Variants in ITGBL1 observed in about 807,000 individuals in gnomAD.
ITGBL1 encodes integrin subunit beta like 1, also known as integrin beta-like protein 1.
ITGBL1 carries 51 observed loss-of-function variants against 68.5 expected under a neutral mutation model. That is an observed-to-expected ratio of 0.74 (90% confidence interval 0.59 to 0.94). The LOEUF is 0.94. Among genes scored for constraint, ITGBL1 ranks in the 40% least tolerant of loss-of-function variants. The pLI is 0.00. For missense variants in ITGBL1, 649 were observed against 647.4 expected (o/e 1.00, Z -0.03); for synonymous variants, 209 against 227.3 (o/e 0.92, Z 0.72).
At chr13:101,504,210 A>T (rs1255183874) in intron 2 of ITGBL1, among the ~76,000 whole-genome samples, 1 of 152,196 alleles carries the variant, frequency 6.6e-6, no homozygotes, top group Non-Finnish European at 1.5e-5. Flanking sequence ...CTTATTTTTT[A>T]AAAAGTTAAA....
intron 7 of ITGBL1, among the ~76,000 whole-genome samples, chr13:101,603,368 T>G (rs1289045041): frequency 6.6e-6 from 1 of 151,844 alleles, no homozygotes; most frequent in Non-Finnish European, 1.5e-5. Flanking sequence ...AGTAGAAGAG[T>G]GGAGGAGTAG....
intron 2 of ITGBL1, among the ~76,000 whole-genome samples, chr13:101,468,199 G>T (rs776740381): frequency 8.5e-5 from 13 of 152,150 alleles, no homozygotes; most frequent in Non-Finnish European, 1.3e-4. Context: ...AACACCATTA[G>T]TTATATGAGC....
chr13:101,528,999 A>G, intron 2 of ITGBL1, among the ~76,000 whole-genome samples: 1 of 152,066 alleles, frequency 6.6e-6, no homozygotes. Flanking sequence ...ATTATAAAAC[A>G]GAATTAGAAA....
intron 7 of ITGBL1, among the ~76,000 whole-genome samples, chr13:101,623,528 A>T (rs935442134): frequency 6.6e-6 from 1 of 152,200 alleles, no homozygotes; most frequent in Non-Finnish European, 1.5e-5. Flanking sequence ...AGGCTGATAA[A>T]TACAGTTGTT....
intron 2 of ITGBL1, among the ~76,000 whole-genome samples, chr13:101,560,746 C>A: frequency 6.6e-6 from 1 of 152,124 alleles, no homozygotes; most frequent in East Asian, 1.9e-4. Flanking sequence ...ACAAGTAACT[C>A]AAATTATCCT....
chr13:101,706,898 G>A lies in ITGBL1; in HGVS notation c.1275G>A (p.Gly425=). The change falls in exon 9 of 11, where the codon GGG becomes GGA. Residue 425 remains glycine, a synonymous_variant. Coordinates refer to ENST00000376180, the MANE Select transcript of ITGBL1 (RefSeq NM_004791.3). The part of the protein sequence containing the change: ...CESADGILCS[G]KGSCHCGKCI... Reference sequence around the variant, plus strand: ...CAGCAGATGGCATATTGTGCTCGGGGAAGGGTGAGTATCTCTGCTGGTGCC... The same window carrying A: ...CAGCAGATGGCATATTGTGCTCGGGAAAGGGTGAGTATCTCTGCTGGTGCC... 6 of 1,613,840 alleles carry A rather than the reference G, an allele frequency of 3.7e-6. No individual in the cohort carries two copies. Among genetic ancestry groups the A allele is most frequent in the Non-Finnish European group, 5.1e-6 (6 of 1,179,788 alleles).
intron 2 of ITGBL1, among the ~76,000 whole-genome samples, chr13:101,499,399 A>G (rs1594848766): frequency 6.6e-6 from 1 of 152,206 alleles, no homozygotes; most frequent in Non-Finnish European, 1.5e-5. Context: ...TACAAAATAT[A>G]TTGTATCAGC....
downstream of ITGBL1, chr13:101,716,631 G>T (rs1001284833): frequency 1.3e-5 from 2 of 151,844 alleles, no homozygotes; most frequent in Non-Finnish European, 2.9e-5. Flanking sequence ...AGACAATATT[G>T]AGTTACATAT....
At chr13:101,579,233 C>T (rs989695506) in intron 4 of ITGBL1, 54 bp from the exon 5 acceptor site, 3 of 1,583,528 alleles carry the variant, frequency 1.9e-6, no homozygotes, top group African/African-American at 2.7e-5. Context: ...AAAGTTAATT[C>T]TGCTTATGAA....
intron 6 of ITGBL1, among the ~76,000 whole-genome samples, chr13:101,597,419 C>CAAAAA (rs35737952): frequency 7.9e-6 from 1 of 127,250 alleles, no homozygotes; most frequent in Non-Finnish European, 1.7e-5. Context: ...GTCTAAAAAG[C>CAAAAA]AAAAAAAAAA....
Position 101,709,390 on chromosome 13 carries a change from A to AAAG in ITGBL1, c.1279+2490_1279+2491insGAA, listed in dbSNP as rs2034355406. Among the ~76,000 whole-genome samples, 3 of 143,222 alleles carry AAAG rather than the reference A, an allele frequency of 2.1e-5. 1 individual carries two copies. Among genetic ancestry groups the AAAG allele is most frequent in the Admixed American group, 2.1e-4 (3 of 14,370 alleles). 94.0% of individuals were successfully genotyped at this position (143,222 alleles called of 152,430 possible). A position where few individuals can be genotyped will look rare whatever the true frequency, so the allele number is the denominator to read the frequency against. ...CCGTCTCAAAAAAAAAAAAAAAAAA[A>AAAG]AAAAAAAAGAAAAGCAGGAAAGGAG... On this transcript the variant is annotated intron_variant, in intron 9 of 10. Coordinates refer to ENST00000376180, the MANE Select transcript of ITGBL1 (RefSeq NM_004791.3).
At chr13:101,615,062 C>T (rs116843218) in intron 7 of ITGBL1, among the ~76,000 whole-genome samples, 1,971 of 152,176 alleles carry the variant, frequency 0.013, 38 homozygotes, top group East Asian at 0.057. Context: ...TGAAAAATGT[C>T]AGGATCCCTC....
At chr13:101,627,058 A>G (rs2031806700) in intron 7 of ITGBL1, among the ~76,000 whole-genome samples, 1 of 152,182 alleles carries the variant, frequency 6.6e-6, no homozygotes, top group African/African-American at 2.4e-5. Flanking sequence ...GCAAATAAAG[A>G]TAAAACACGA....
At chr13:101,629,922 A>G (rs1346092975) in intron 7 of ITGBL1, among the ~76,000 whole-genome samples, 1 of 152,118 alleles carries the variant, frequency 6.6e-6, no homozygotes, top group Non-Finnish European at 1.5e-5. Context: ...TCCAAGGTTC[A>G]AGCAATTCTC....
At chr13:101,609,640 CTATTGT>C (rs2031031659) in intron 7 of ITGBL1, among the ~76,000 whole-genome samples, 1 of 151,946 alleles carries the variant, frequency 6.6e-6, no homozygotes, top group Non-Finnish European at 1.5e-5. Context: ...TTTCATCTTG[CTATTGT>C]TATATTCAAC....
chr13:101,564,081 T>C (rs943159140), intron 2 of ITGBL1, among the ~76,000 whole-genome samples: 1 of 151,980 alleles, frequency 6.6e-6, no homozygotes, highest in Non-Finnish European at 1.5e-5. Context: ...CTTTTATCTA[T>C]AGATTCAATG....
At chr13:101,619,123 C>A (rs2031485340) in intron 7 of ITGBL1, among the ~76,000 whole-genome samples, 1 of 151,944 alleles carries the variant, frequency 6.6e-6, no homozygotes, top group Non-Finnish European at 1.5e-5. Context: ...CTTAATGTAA[C>A]AAAGATGATA....
intron 2 of ITGBL1, among the ~76,000 whole-genome samples, chr13:101,463,765 A>T (rs2048346729): frequency 6.6e-6 from 1 of 151,572 alleles, no homozygotes; most frequent in Non-Finnish European, 1.5e-5. Context: ...GCAACACAAT[A>T]AAAAAACAAA....
chr13:101,687,633 T>C (rs1029735472), intron 7 of ITGBL1, among the ~76,000 whole-genome samples: 1 of 152,056 alleles, frequency 6.6e-6, no homozygotes, highest in Non-Finnish European at 1.5e-5. Context: ...ATATAATTCA[T>C]AAAAAATGCA....
Sources: gnomAD v4.1 joint callset for allele counts (sites outside exome capture counted in the v4.1 genomes callset) on GRCh38, gnomAD v4.1.1 for gene constraint, MANE v1.5 for transcripts, NCBI Gene and HGNC (gene_info 2026-07-23, HGNC 2026-07-21) for gene names.